The following ESR2 variants were observed in gnomAD, a reference collection of about 807,000 sequenced individuals.
ESR2 encodes the protein estrogen receptor 2, also known as estrogen receptor beta.
A neutral mutation model predicts 49.6 loss-of-function variants in ESR2; 36 were observed. That is an observed-to-expected ratio of 0.73 (90% CI 0.56 to 0.96). The LOEUF is 0.96. ESR2 is among the 40% of genes least tolerant of loss of function. The probability of loss-of-function intolerance (pLI) is 0.00; values close to 1 mark genes in which losing one functional copy is unlikely to be tolerated. For synonymous variants in ESR2, 320 were observed against 266.1 expected, an observed-to-expected ratio of 1.20 and a Z score of -1.97; for missense variants, 714 against 693.0, an observed-to-expected ratio of 1.03 and a Z score of -0.34.
intron 1 of ESR2, among the ~76,000 whole-genome samples, chr14:64,302,159 T>TA (rs2077028218): frequency 1.2e-4 from 16 of 130,344 alleles, no homozygotes; most frequent in Middle Eastern, 7.4e-3. Context: ...TTATTTTTTA[T>TA]TTTTATTTAT....
chr14:64,241,145 CAAAAAAAA>C (rs56347632), intron 7 of ESR2, among the ~76,000 whole-genome samples: 44,081 of 95,662 alleles, frequency 0.46, 7,345 homozygotes, highest in Non-Finnish European at 0.5. Context: ...GACTCCGTCT[CAAAAAAAA>C]AAAAAAAAAA....
At chr14:64,273,559 A>G (rs754002198) in intron 3 of ESR2, among the ~76,000 whole-genome samples, 2 of 152,218 alleles carry the variant, frequency 1.3e-5, no homozygotes, top group Non-Finnish European at 1.5e-5. Flanking sequence ...ATCAATTGAA[A>G]TTATATGGTT....
At chr14:64,243,328 G>T (rs2075777786) in intron 7 of ESR2, among the ~76,000 whole-genome samples, 1 of 152,148 alleles carries the variant, frequency 6.6e-6, no homozygotes, top group African/African-American at 2.4e-5. Context: ...ACTGATTACA[G>T]ATCACTGTAA....
At chr14:64,286,427 A>C (rs1296011325) in intron 1 of ESR2, among the ~76,000 whole-genome samples, 1 of 151,866 alleles carries the variant, frequency 6.6e-6, no homozygotes, top group East Asian at 1.9e-4. Flanking sequence ...CAGCCTCCCT[A>C]GTAGCTGGGA....
chr14:64,332,724 C>T (rs1024849779), intron 1 of ESR2, among the ~76,000 whole-genome samples: 17 of 149,242 alleles, frequency 1.1e-4, no homozygotes, highest in Admixed American at 3.3e-4. Context: ...GACATGAACC[C>T]AGGAGGCGGA....
intron 7 of ESR2, among the ~76,000 whole-genome samples, chr14:64,242,212 C>T (rs1490015316): frequency 2.0e-5 from 3 of 151,980 alleles, no homozygotes; most frequent in Non-Finnish European, 4.4e-5. Flanking sequence ...CAGTTTGAGA[C>T]CATCCTGGCC....
At chr14:64,292,622 GTATTT>G (rs1277397843) in intron 1 of ESR2, among the ~76,000 whole-genome samples, 4 of 152,216 alleles carry the variant, frequency 2.6e-5, no homozygotes, top group Admixed American at 6.5e-5. Context: ...TCAGCCTTCA[GTATTT>G]TATATTTTAT....
chr14:64,282,736 C>A lies in ESR2; in HGVS notation c.250G>T (p.Gly84Trp), dbSNP rs2076701263. Reference protein sequence around the residue: ...TSPNVLWPTPGHLSPLVVHRQ... With the variant: ...TSPNVLWPTPWHLSPLVVHRQ... ...TGGACCACTAAAGGAGAAAGGTGCC[C>A]AGGTGTTGGCCACAACACATTTGGG... Residue 84 changes from glycine (G) to tryptophan (W), a missense_variant, in exon 2 of 9, where the codon GGG becomes TGG. Transcript: ENST00000341099. 1 of 1,614,190 alleles carries A rather than the reference C, an allele frequency of 6.2e-7. No homozygotes were observed. The highest frequency in any genetic ancestry group is 1.3e-5 in the African/African-American group (1 of 75,038).
At chr14:64,237,663 A>G (rs903259346) in intron 7 of ESR2, among the ~76,000 whole-genome samples, 1 of 152,262 alleles carries the variant, frequency 6.6e-6, no homozygotes, top group Non-Finnish European at 1.5e-5. Flanking sequence ...GAATGGCTCA[A>G]CAAAATGTGG....
intron 1 of ESR2, among the ~76,000 whole-genome samples, chr14:64,291,397 A>G (rs2076867990): frequency 6.6e-6 from 1 of 152,144 alleles, no homozygotes; most frequent in South Asian, 2.1e-4. Context: ...AAGGCCAACT[A>G]TCCAGTTTGC....
At chr14:64,332,288 GCTC>G (rs1199897404) in intron 1 of ESR2, 1 of 152,062 alleles carries the variant, frequency 6.6e-6, no homozygotes, top group Non-Finnish European at 1.5e-5. Context: ...TCTGTTTCAG[GCTC>G]CTATGTTTTC....
At position 64,242,486 on chromosome 14, in the gene ESR2, A is replaced by G. The variant is rs1270405676; in HGVS notation, c.1225+7060T>C. On this transcript the variant is annotated intron_variant, in intron 7 of 8. Coordinates refer to ENST00000341099, the MANE Select transcript of ESR2 (RefSeq NM_001437.3). The stretch of plus-strand genomic sequence containing the variant: ...TATATATAAAATCATATGGTTTTTC[A>G]TTATTATTCTGTTAATATGAATTTT... Among the ~76,000 whole-genome samples the G allele has an allele frequency of 4.0e-5, 6 of 150,650 alleles. No homozygotes were observed. In the South Asian group the frequency reaches 1.2e-3, roughly 31 times the overall value.
At chr14:64,292,420 T>A (rs2076887719) in intron 1 of ESR2, among the ~76,000 whole-genome samples, 2 of 152,218 alleles carry the variant, frequency 1.3e-5, no homozygotes, top group Admixed American at 1.3e-4. Flanking sequence ...TCTGTCAGAA[T>A]TCATAGAGGT....
chr14:64,335,312 G>T (rs2077515307), intron 1 of ESR2, among the ~76,000 whole-genome samples: 1 of 152,108 alleles, frequency 6.6e-6, no homozygotes, highest in African/African-American at 2.4e-5. Context: ...ATTTAACAAA[G>T]CTATCTGTCT....
At chr14:64,320,409 A>T (rs1446577616) in intron 1 of ESR2, among the ~76,000 whole-genome samples, 4 of 152,190 alleles carry the variant, frequency 2.6e-5, no homozygotes, top group Non-Finnish European at 5.9e-5. Context: ...TCAAAAAAAA[A>T]AAGTTGTGGT....
chr14:64,310,231 C>T lies in ESR2; in HGVS notation c.-90-27156G>A, dbSNP rs2077169062. Among the ~76,000 whole-genome samples, 6 of 151,294 alleles carry T rather than the reference C, an allele frequency of 4.0e-5. No individual in the cohort carries two copies. The South Asian group carries it at 1.3e-3, about 32-fold the overall frequency. ...GAGGTTGCAGTGAGCCAAGATCGCGCCACTGCATTCCAGCCTGGGCGACAA... is the reference window on the plus strand; with the variant it reads ...GAGGTTGCAGTGAGCCAAGATCGCGTCACTGCATTCCAGCCTGGGCGACAA... On this transcript the variant is annotated intron_variant, in intron 1 of 8. Coordinates refer to the ESR2 transcript ENST00000358599.
At chr14:64,314,272 T>C (rs1026499421) in intron 1 of ESR2, among the ~76,000 whole-genome samples, 7 of 149,490 alleles carry the variant, frequency 4.7e-5, no homozygotes, top group African/African-American at 1.5e-4. Context: ...AAATAAAACA[T>C]AGGTCAAGGG....
intron 5 of ESR2, 150 bp downstream of exon 5, chr14:64,260,299 A>T (rs1298605945): frequency 1.2e-6 from 1 of 827,596 alleles, no homozygotes; most frequent in Non-Finnish European, 2.2e-6. Context: ...AGGAAGGAAC[A>T]TATTGCACTT....
In ESR2 at chr14:64,229,339, G is replaced by A. The variant is rs988244879; in HGVS notation, c.*3798C>T. Among the ~76,000 whole-genome samples, 2 of 152,042 alleles carry A rather than the reference G, an allele frequency of 1.3e-5. No homozygotes were observed. The highest frequency in any genetic ancestry group is 2.9e-5 in the Non-Finnish European group (2 of 68,014). On this transcript the variant is annotated 3_prime_UTR_variant, in exon 9 of 9. Coordinates refer to ENST00000341099, the MANE Select transcript of ESR2 (RefSeq NM_001437.3). The stretch of plus-strand genomic sequence containing the variant: ...GCAATACTGGCCCGCTAGGCAAGCA[G>A]AAGACTTGCGTGCCAGTCCAAGCTT...
Sources: gnomAD v4.1 joint callset for allele counts (sites outside exome capture counted in the v4.1 genomes callset) on GRCh38, gnomAD v4.1.1 for gene constraint, MANE v1.5 for transcripts, NCBI Gene and HGNC (gene_info 2026-07-23, HGNC 2026-07-21) for gene names.